RERG: variants seen among roughly 807,000 people sequenced by gnomAD.
RERG encodes the protein RAS like estrogen regulated growth inhibitor.
RERG carries 25 observed loss-of-function variants against 23.2 expected under a neutral mutation model. The observed-to-expected ratio is 1.08, with a 90% CI of 0.79 to 1.50. The LOEUF (loss-of-function observed/expected upper bound fraction) is 1.50, where lower values mean the gene tolerates loss of function less well. Ranked by LOEUF, RERG falls within the 40% of genes most tolerant of loss-of-function variation. The pLI, the probability that RERG is intolerant of heterozygous loss-of-function variation, is 0.00. For synonymous variants in RERG, 81 were observed against 89.1 expected, an observed-to-expected ratio of 0.91 and a Z score of 0.51; for missense variants, 253 against 250.1, an observed-to-expected ratio of 1.01 and a Z score of -0.08.
At chr12:15,214,031 T>C (rs112470781) in intron 2 of RERG, among the ~76,000 whole-genome samples, 1 of 113,688 alleles carries the variant, frequency 8.8e-6, no homozygotes, top group Non-Finnish European at 1.7e-5. Flanking sequence ...TGTGTGTGTG[T>C]GTGTGTGCGC....
chr12:15,164,403 C>A (rs1352772734), intron 2 of RERG, among the ~76,000 whole-genome samples: 1 of 152,202 alleles, frequency 6.6e-6, no homozygotes, highest in Non-Finnish European at 1.5e-5. Flanking sequence ...ACTTTGACAG[C>A]CTGTGAAGCT....
chr12:15,204,502 A>G (rs1865258607), intron 2 of RERG, among the ~76,000 whole-genome samples: 1 of 151,778 alleles, frequency 6.6e-6, no homozygotes, highest in South Asian at 2.1e-4. Context: ...GCTTCATGAC[A>G]CTGGTCTTTT....
chr12:15,160,963 C>T (rs572265956), intron 2 of RERG, among the ~76,000 whole-genome samples: 5 of 151,934 alleles, frequency 3.3e-5, no homozygotes, highest in African/African-American at 7.2e-5. Flanking sequence ...GGTGAAACCC[C>T]GTCTCTACTA....
chr12:15,161,139 A>AAAGAAAGG (rs1864599605), intron 2 of RERG, among the ~76,000 whole-genome samples: 1 of 32,976 alleles, frequency 3.0e-5, no homozygotes. Flanking sequence ...CATCTCAGAA[A>AAAGAAAGG]AAGAAAGAAA....
At chr12:15,165,293 T>G (rs754642284) in intron 2 of RERG, among the ~76,000 whole-genome samples, 2 of 152,180 alleles carry the variant, frequency 1.3e-5, no homozygotes, top group Non-Finnish European at 2.9e-5. Context: ...TTGGAACTCA[T>G]GTACCAAACA....
At chr12:15,162,266 C>T (rs1864626334) in intron 2 of RERG, among the ~76,000 whole-genome samples, 1 of 152,176 alleles carries the variant, frequency 6.6e-6, no homozygotes, top group Admixed American at 6.6e-5. Context: ...CCAGGCACAG[C>T]CCTGGCCAAG....
At chr12:15,113,432 C>T (rs1244601345) in intron 3 of RERG, among the ~76,000 whole-genome samples, 1 of 151,948 alleles carries the variant, frequency 6.6e-6, no homozygotes, top group East Asian at 1.9e-4. Flanking sequence ...GCAATTAAAA[C>T]TTGGCATTAA....
At chr12:15,199,791 G>A (rs1565535749) in intron 2 of RERG, among the ~76,000 whole-genome samples, 2 of 151,918 alleles carry the variant, frequency 1.3e-5, no homozygotes, top group South Asian at 4.1e-4. Flanking sequence ...TAGAAGTTTC[G>A]TTTTATTTCT....
At chr12:15,181,738 A>G (rs1408152952) in intron 2 of RERG, among the ~76,000 whole-genome samples, 1 of 152,236 alleles carries the variant, frequency 6.6e-6, no homozygotes, top group East Asian at 1.9e-4. Flanking sequence ...GAAGAAGGCA[A>G]ACGACTAAAG....
At chr12:15,122,455 C>T (rs1166624137) in intron 2 of RERG, among the ~76,000 whole-genome samples, 1 of 152,220 alleles carries the variant, frequency 6.6e-6, no homozygotes, top group African/African-American at 2.4e-5. Flanking sequence ...CAGAGCACAA[C>T]GTGGCTTCTT....
chr12:15,117,675 GCACA>G (rs3084648), intron 3 of RERG, among the ~76,000 whole-genome samples: 2,761 of 145,066 alleles, frequency 0.019, 56 homozygotes, highest in African/African-American at 0.058. Context: ...TCACACACGC[GCACA>G]CACACACACA....
chr12:15,139,434 TGA>T (rs1022288525), intron 2 of RERG, among the ~76,000 whole-genome samples: 3 of 152,152 alleles, frequency 2.0e-5, no homozygotes, highest in African/African-American at 7.2e-5. Context: ...TTAACAATAT[TGA>T]GTCTTCCAAT....
At chr12:15,138,918 T>C (rs1864187700) in intron 2 of RERG, among the ~76,000 whole-genome samples, 3 of 151,622 alleles carry the variant, frequency 2.0e-5, no homozygotes, top group African/African-American at 7.3e-5. Context: ...TTTTCTCCTA[T>C]ACTATAATCT....
intron 2 of RERG, among the ~76,000 whole-genome samples, chr12:15,154,691 AT>A (rs1372515934): frequency 1.3e-5 from 2 of 152,214 alleles, no homozygotes; most frequent in Non-Finnish European, 2.9e-5. Context: ...CTCCTGCCAA[AT>A]AGGACAATCA....
At chr12:15,218,403 T>TTGG (rs1865471646) in intron 1 of RERG, among the ~76,000 whole-genome samples, 1 of 151,648 alleles carries the variant, frequency 6.6e-6, no homozygotes, top group Admixed American at 6.6e-5. Context: ...GGAAAGAGCT[T>TTGG]TGGTGGTGGT....
intron 2 of RERG, among the ~76,000 whole-genome samples, chr12:15,141,137 T>C (rs889677586): frequency 6.6e-6 from 1 of 151,004 alleles, no homozygotes; most frequent in African/African-American, 2.4e-5. Flanking sequence ...TTTTGGGAGG[T>C]TCCTATTGAT....
intron 2 of RERG, among the ~76,000 whole-genome samples, chr12:15,213,420 A>G (rs1486612027): frequency 2.6e-5 from 4 of 152,186 alleles, no homozygotes; most frequent in East Asian, 1.9e-4. Flanking sequence ...CCCTTAGCCA[A>G]TGAAAGTAAA....
intron 2 of RERG, among the ~76,000 whole-genome samples, chr12:15,210,147 T>A (rs1409094438): frequency 6.6e-6 from 1 of 152,160 alleles, no homozygotes; most frequent in African/African-American, 2.4e-5. Flanking sequence ...ATCTGGCTGA[T>A]TTCCCCAAAC....
chr12:15,175,023 T>G (rs1212405615), intron 2 of RERG, among the ~76,000 whole-genome samples: 1 of 152,160 alleles, frequency 6.6e-6, no homozygotes, highest in African/African-American at 2.4e-5. Flanking sequence ...TTCTTGCTTT[T>G]TTATGTGTCT....
Sources: allele counts gnomAD v4.1 joint callset (sites outside exome capture counted in the v4.1 genomes callset), GRCh38; gene constraint gnomAD v4.1.1; transcripts MANE v1.5; gene names NCBI Gene and HGNC (gene_info 2026-07-23, HGNC 2026-07-21).